The following SLC26A6 variants were observed in gnomAD, a reference collection of about 807,000 sequenced individuals.
The protein encoded by SLC26A6 is anion exchange transporter.
In SLC26A6, 67 loss-of-function variants were observed where a neutral mutation model predicts 87.1. The observed-to-expected ratio is 0.77, with a 90% CI of 0.63 to 0.94. The LOEUF (loss-of-function observed/expected upper bound fraction) is 0.94, where lower values mean the gene tolerates loss of function less well. Among genes scored for constraint, SLC26A6 ranks in the 40% least tolerant of loss-of-function variants. The pLI, the probability that SLC26A6 is intolerant of heterozygous loss-of-function variation, is 0.00. For missense variants in SLC26A6, 902 were observed against 973.0 expected (o/e 0.93, Z 0.97); for synonymous variants, 414 against 405.9 (o/e 1.02, Z -0.24).
Position 48,630,461 on chromosome 3 carries a change from C to T in SLC26A6, c.1303G>A (p.Glu435Lys), listed in dbSNP as rs374779746. 2.0e-5 allele frequency: 31 copies of T among 1,559,158 alleles called. No homozygotes were observed. In the East Asian group the frequency reaches 4.1e-4, roughly 21 times the overall value. The change falls in exon 11 of 21, where the codon GAA (glutamate) becomes AAA (lysine). Residue 435 changes from glutamate (E) to lysine (K), a missense_variant. By Grantham distance (56) the Glu-to-Lys change is moderately conservative. Transcript: ENST00000395550. Reference sequence around the variant, plus strand: ...ACCTTGGGCAGGTCATGGAAGAGTTCCCCAAGTTTGACAATGATGAGGAGG... The same window carrying T: ...ACCTTGGGCAGGTCATGGAAGAGTTTCCCAAGTTTGACAATGATGAGGAGG... ...FILLIIVKLG[E>K]LFHDLPKAVL...
At chr3:48,626,763 G>A (rs2046635979) in intron 18 of SLC26A6, 78 bp from the exon 19 acceptor site, 2 of 1,609,214 alleles carry the variant, frequency 1.2e-6, no homozygotes, top group Non-Finnish European at 1.7e-6. Flanking sequence ...TGGGGAGGGA[G>A]TTTAGAAGGG....
Position 48,631,743 on chromosome 3 carries a change from G to A in SLC26A6, c.809C>T (p.Ala270Val). The change falls in exon 7 of 21, where the codon GCA (alanine) becomes GTA (valine). Residue 270 changes from alanine (A) to valine (V), a missense_variant. Around this residue, in one of 3 missense-constraint regions of SLC26A6, gnomAD observed 800 missense variants for 856.8 expected, o/e 0.93. Coordinates refer to ENST00000395550, the MANE Select transcript of SLC26A6 (RefSeq NM_022911.3). ...CACGAGCACCACCCCAGCCACAGCTGCAGTGACCACGGTGCCAACCTTGCT... is the reference window on the plus strand; with the variant it reads ...CACGAGCACCACCCCAGCCACAGCTACAGTGACCACGGTGCCAACCTTGCT... ...PQSKVGTVVT[A>V]AVAGVVLVVV... The A allele has an allele frequency of 6.2e-7, 1 of 1,613,600 alleles. No homozygotes were observed. Among genetic ancestry groups the A allele is most frequent in the South Asian group, 1.1e-5 (1 of 91,082 alleles).
At chr3:48,632,165 G>T in intron 5 of SLC26A6, 80 bp downstream of exon 5, 1 of 1,574,942 alleles carries the variant, frequency 6.3e-7, no homozygotes, top group South Asian at 1.2e-5. Context: ...ACGATGGTCA[G>T]ACACTCAGGG....
chr3:48,628,711 T>C lies in SLC26A6; in HGVS notation c.1603A>G (p.Lys535Glu). Residue 535 changes from lysine to glutamate, a missense_variant, in exon 15 of 21, where the codon AAG (lysine) becomes GAG (glutamate). Lys to Glu is a moderately conservative substitution (Grantham distance 56). Around this residue, in one of 3 missense-constraint regions of SLC26A6, gnomAD observed 800 missense variants for 856.8 expected, o/e 0.93. Transcript: ENST00000395550. The surrounding 1 kb of genome is among the most constrained non-coding windows in gnomAD (Gnocchi z 4.4). ...AAGACCTTCACCCCCCGGACTTCCT[T>C]GGCCTGGGGATGAGGCAGAACTGGT... ...YRDVAEYSEA[K>E]EVRGVKVFRS... The C allele has an allele frequency of 1.2e-6, 2 of 1,613,214 alleles. No homozygotes were observed.
At chr3:48,635,207 C>G (rs1026562192) in intron 1 of SLC26A6, among the ~76,000 whole-genome samples, 164 bp downstream of exon 1, 5 of 151,970 alleles carry the variant, frequency 3.3e-5, no homozygotes, top group Non-Finnish European at 5.9e-5. Context: ...GGCTCCCGCC[C>G]CCACCCCTTG....
chr3:48,626,435 C>G (rs2046624382), intron 19 of SLC26A6, 81 bp from the exon 20 acceptor site: 2 of 1,594,002 alleles, frequency 1.3e-6, no homozygotes, highest in South Asian at 2.3e-5. Context: ...ATGCCCTGAC[C>G]TCATCACCCC....
chr3:48,633,811 C>T (rs748318557), intron 1 of SLC26A6, 176 bp from the exon 2 acceptor site: 33 of 1,443,930 alleles, frequency 2.3e-5, no homozygotes, highest in Non-Finnish European at 2.9e-5. Context: ...CAGACAGGGG[C>T]AGTACCTGAA....
chr3:48,632,926 T>C (rs772025987), intron 4 of SLC26A6, 48 bp downstream of exon 4: 4 of 1,542,806 alleles, frequency 2.6e-6, no homozygotes, highest in African/African-American at 2.7e-5. Context: ...CTGCCCTCCA[T>C]GATGGATGTG....
At chr3:48,626,161 G>T (rs2046614664) in intron 20 of SLC26A6, 57 bp downstream of exon 20, 1 of 1,612,786 alleles carries the variant, frequency 6.2e-7, no homozygotes, top group South Asian at 1.1e-5. Flanking sequence ...TGGGGCCAGG[G>T]TGGGGACAAG....
In SLC26A6 at chr3:48,630,663, C is replaced by G; in HGVS notation, c.1192G>C (p.Val398Leu). 2 of 1,601,208 alleles carry G rather than the reference C, an allele frequency of 1.2e-6. No individual in the cohort carries two copies. The highest frequency in any genetic ancestry group is 1.7e-6 in the Non-Finnish European group (2 of 1,173,066). Reference sequence around the variant, plus strand: ...AGGCTCCGAGACATAGAGCAACTCACGGGGAAGCACTGGAAGATGCCTCCG... The same window carrying G: ...AGGCTCCGAGACATAGAGCAACTCAGGGGGAAGCACTGGAAGATGCCTCCG... ...LIGGIFQCFP[V>L]SCSMSRSLVQ... Residue 398 changes from valine (V) to leucine (L), a missense_variant, in exon 10 of 21, where the codon GTG becomes CTG. Around this residue, in one of 3 missense-constraint regions of SLC26A6, gnomAD observed 800 missense variants for 856.8 expected, o/e 0.93. Transcript: ENST00000395550.
chr3:48,628,289 G>C lies in SLC26A6; in HGVS notation c.1800+145C>G. The C allele has an allele frequency of 9.1e-7, 1 of 1,101,766 alleles. No individual in the cohort carries two copies. The highest frequency in any genetic ancestry group is 1.3e-6 in the Non-Finnish European group (1 of 764,866). The allele number at this position is 1,101,766 out of a possible 1,614,324, so 68.2% of individuals were successfully genotyped here. ...TGCCTAGAGCCCGGACCTGCTAGGG[G>C]AGTGAAGCAGGGTCCCTGGGAGCAT... On this transcript the variant is annotated intron_variant, in intron 16 of 20. Transcript: ENST00000395550. The surrounding 1 kb of genome is among the most constrained non-coding windows in gnomAD (Gnocchi z 4.4).
At chr3:48,630,414 A>C (rs1036140260) in intron 11 of SLC26A6, 24 bp downstream of exon 11, 1 of 1,552,312 alleles carries the variant, frequency 6.4e-7, no homozygotes, top group Non-Finnish European at 8.7e-7. Context: ...CCAAGACCTG[A>C]AACCTGGCTG....
intron 7 of SLC26A6, 40 bp downstream of exon 7, chr3:48,631,609 C>T (rs753969648): frequency 6.3e-7 from 1 of 1,599,846 alleles, no homozygotes; most frequent in Non-Finnish European, 8.5e-7. Flanking sequence ...CCAGCCTGAC[C>T]TGCCCTTCTC....
Position 48,626,652 on chromosome 3 carries a change from C to T in SLC26A6, c.2107G>A (p.Val703Met). 6.2e-7 allele frequency: 1 copy of T among 1,614,202 alleles called. No individual in the cohort carries two copies. Among genetic ancestry groups the T allele is most frequent in the Non-Finnish European group, 8.5e-7 (1 of 1,180,044 alleles). ...TCACTGTGGCAGGCCGCCATGTACA[C>T]CTCCACCTCAATCTCCCGGAAGTCA... is the stretch of plus-strand genomic sequence containing the variant. ...FHDFREIEVE[V>M]YMAACHSPVV... Residue 703 changes from valine (V) to methionine (M), a missense_variant, in exon 19 of 21, where the codon GTG (valine) becomes ATG (methionine). This residue lies in a region of SLC26A6 where 99 missense variants were observed against 100.1 expected (regional missense o/e 0.99). Coordinates refer to ENST00000395550, the MANE Select transcript of SLC26A6 (RefSeq NM_022911.3).
intron 1 of SLC26A6, chr3:48,634,637 G>T: frequency 1.3e-6 from 1 of 775,188 alleles, no homozygotes; most frequent in Non-Finnish European, 1.6e-6. Flanking sequence ...GAAAACTCTA[G>T]CCTGTTGGGG....
At chr3:48,632,737 T>C in intron 4 of SLC26A6, 1 of 675,686 alleles carries the variant, frequency 1.5e-6, no homozygotes. Context: ...CCAGGCCCCT[T>C]GGGCTGCCTC....
In SLC26A6 at chr3:48,633,326, G is replaced by C; in HGVS notation, c.247C>G (p.Arg83Gly). Residue 83 changes from arginine (R) to glycine (G), a missense_variant, in exon 3 of 21, where the codon CGG becomes GGG. Arg to Gly is a moderately radical substitution (Grantham distance 125, BLOSUM62 -2). Coordinates refer to ENST00000395550, the MANE Select transcript of SLC26A6 (RefSeq NM_022911.3). ...AGGAGCCAGTCACGCACAGGATACC[G>C]GGGTAACCAGACCAAAACCGGGAGG... ...QHLPVLVWLP[R>G]YPVRDWLLGD... 1 of 1,613,582 alleles carries C rather than the reference G, an allele frequency of 6.2e-7. No homozygotes were observed. Among genetic ancestry groups the C allele is most frequent in the South Asian group, 1.1e-5 (1 of 91,088 alleles).
chr3:48,630,838 G>A (rs2046766525), intron 9 of SLC26A6, 118 bp from the exon 10 acceptor site: 7 of 1,498,978 alleles, frequency 4.7e-6, no homozygotes, highest in Admixed American at 1.7e-5. Context: ...CCCAGAGACT[G>A]GATGCTGTCC....
chr3:48,631,424 A>C, intron 7 of SLC26A6, 118 bp from the exon 8 acceptor site: 1 of 1,239,148 alleles, frequency 8.1e-7, no homozygotes, highest in African/African-American at 1.5e-5. Context: ...GGGTGGGAAA[A>C]AGTCACGTAG....
Sources: gnomAD v4.1 joint callset for allele counts (sites outside exome capture counted in the v4.1 genomes callset) on GRCh38, gnomAD v4.1.1 for gene constraint, gnomAD v4.1.1 regional missense constraint, Gnocchi (gnomAD v3.1) non-coding constraint, MANE v1.5 for transcripts, NCBI Gene and HGNC (gene_info 2026-07-23, HGNC 2026-07-21) for gene names.